Variants in BRD8 observed in about 807,000 individuals in gnomAD.
BRD8 encodes bromodomain containing 8, also known as bromodomain-containing protein 8.
BRD8 carries 67 observed loss-of-function variants against 143.1 expected under a neutral mutation model. The ratio of observed to expected loss-of-function variants is 0.47; its 90% CI spans 0.38 to 0.57. BRD8 has a LOEUF of 0.57. Ranked by LOEUF, BRD8 falls within the 20% of genes least tolerant of loss-of-function variation. The pLI is 0.00. For missense variants in BRD8, 1,103 were observed against 1,503.0 expected (o/e 0.73, Z 4.40); for synonymous variants, 505 against 517.1 (o/e 0.98, Z 0.32).
At chr5:138,161,089 T>G (rs1752963249) in intron 17 of BRD8, 21 bp from the exon 18 acceptor site, 1 of 1,590,386 alleles carries the variant, frequency 6.3e-7, no homozygotes, top group Admixed American at 1.7e-5. Flanking sequence ...AGAACAGGGG[T>G]AAGTAGCAGT....
chr5:138,150,099 CT>C (rs1302093625), intron 22 of BRD8, among the ~76,000 whole-genome samples: 2 of 151,764 alleles, frequency 1.3e-5, no homozygotes, highest in African/African-American at 2.4e-5. Context: ...CTGGAGTTAA[CT>C]ACTCTAGCTG....
chr5:138,144,915 AAAAAT>A (rs1273554248), intron 25 of BRD8, among the ~76,000 whole-genome samples: 1 of 141,564 alleles, frequency 7.1e-6, no homozygotes, highest in East Asian at 2.0e-4. Context: ...AAAAAAAAAA[AAAAAT>A]ATATATATAT....
chr5:138,172,996 C>T (rs1459166383), intron 2 of BRD8: 2 of 171,232 alleles, frequency 1.2e-5, no homozygotes, highest in African/African-American at 2.4e-5. Context: ...CACTAGTAGA[C>T]GGGGGATAGT....
rs537795058 is a variant in BRD8 at position 138,154,806 on chromosome 5, A to ATC, written c.2578-2047_2578-2046insGA. On this transcript the variant is annotated intron_variant, in intron 20 of 26. Transcript: ENST00000254900. ...CATCTAATATTTTTTCATCATAGCCATGTTTATAATAAAAAGTTCATAACT... is the reference window on the plus strand; with the variant it reads ...CATCTAATATTTTTTCATCATAGCCATCTGTTTATAATAAAAAGTTCATAACT... Among the ~76,000 whole-genome samples the ATC allele has an allele frequency of 3.6e-3, 540 of 150,170 alleles. 3 individuals are homozygous for ATC. The highest frequency in any genetic ancestry group is 0.013 in the African/African-American group (513 of 40,914).
In BRD8 at chr5:138,170,212, T is replaced by C. The variant is rs1398790258; in HGVS notation, c.505+133A>G. On this transcript the variant is annotated intron_variant, in intron 7 of 26. Transcript: ENST00000254900. ...TTCTTCTTAAGACATTAAGGGATGT[T>C]TTTATTCTGGTAGAAGAGAAAACTG... The C allele has an allele frequency of 4.3e-6, 3 of 704,672 alleles. No homozygotes were observed. In the African/African-American group the frequency reaches 5.3e-5, roughly 13 times the overall value. The allele number at this position is 704,672 out of a possible 1,614,324, so 43.7% of individuals were successfully genotyped here. A position where few individuals can be genotyped will look rare whatever the true frequency, so the allele number is the denominator to read the frequency against.
intron 20 of BRD8, chr5:138,157,251 C>T: frequency 6.2e-7 from 1 of 1,613,754 alleles, no homozygotes; most frequent in Non-Finnish European, 8.5e-7. Context: ...ACAGCGGCGT[C>T]CCCTGGTTCC....
intron 15 of BRD8, among the ~76,000 whole-genome samples, chr5:138,162,433 C>T (rs892255899): frequency 4.6e-5 from 7 of 151,930 alleles, no homozygotes; most frequent in Non-Finnish European, 8.8e-5. Flanking sequence ...TGGGTTCCAG[C>T]GATCCTCCTG....
rs754470489 is a variant in BRD8 at position 138,140,728 on chromosome 5, G to A, written c.3592C>T (p.Gln1198Ter). The A allele has an allele frequency of 3.1e-6, 5 of 1,614,038 alleles. No individual in the cohort carries two copies. The highest frequency in any genetic ancestry group is 1.3e-5 in the African/African-American group (1 of 75,008). Residue 1198 changes from glutamine (Q) to a stop codon, truncating the protein, a stop_gained, in exon 26 of 27, where the codon CAA (glutamine) becomes TAA (stop). Coordinates refer to ENST00000254900, the MANE Select transcript of BRD8 (RefSeq NM_139199.2). LOFTEE classifies it high-confidence loss of function. ...ACCTGAATCTGCTCCAGGACTTCTT[G>A]CCGCATCTCCACAGCCATATGGTAT... ...HVYHMAVEMR[Q>*]EVLEQIQVLN...
At chr5:138,172,862 CAA>C (rs148319080) in intron 2 of BRD8, 45 of 265,714 alleles carry the variant, frequency 1.7e-4, no homozygotes, top group Non-Finnish European at 2.0e-4. Flanking sequence ...CTCCGCCATT[CAA>C]AAAAAAAAGA....
Position 138,139,992 on chromosome 5 carries a change from C to T in BRD8, c.*82G>A. ...GTTGGAAAAGAAAATGAGGACATGG[C>T]AAAGAAGTACCAGGATCCTCTCTAG... On this transcript the variant is annotated 3_prime_UTR_variant, in exon 27 of 27. Transcript: ENST00000254900. 9.0e-7 allele frequency: 1 copy of T among 1,113,268 alleles called. No homozygotes were observed. The highest frequency in any genetic ancestry group is 1.3e-6 in the Non-Finnish European group (1 of 742,100). The allele number at this position is 1,113,268 out of a possible 1,614,324, so 69.0% of individuals were successfully genotyped here. A position where few individuals can be genotyped will look rare whatever the true frequency, so the allele number is the denominator to read the frequency against.
At chr5:138,143,516 T>A (rs1751999353) in intron 25 of BRD8, among the ~76,000 whole-genome samples, 1 of 152,070 alleles carries the variant, frequency 6.6e-6, no homozygotes, top group African/African-American at 2.4e-5. Flanking sequence ...AATCCCAAAA[T>A]ACTGAGAGGT....
intron 24 of BRD8, 76 bp downstream of exon 24, chr5:138,145,713 C>T: frequency 4.7e-6 from 6 of 1,273,058 alleles, no homozygotes; most frequent in Non-Finnish European, 6.8e-6. Context: ...GAACATATCT[C>T]CTTTTATGCT....
At position 138,140,845 on chromosome 5, in the gene BRD8, T is replaced by TA; in HGVS notation, c.3474dup (p.Lys1159Ter). ...TGGGCCATGGTGCGAATCCGACCCT[T>TA]AGAGAGATTTCTCTTCAGGCTAGTT... On this transcript the variant is annotated frameshift_variant, in exon 26 of 27. Transcript: ENST00000254900. LOFTEE classifies it high-confidence loss of function. 2 of 1,614,174 alleles carry TA rather than the reference T, an allele frequency of 1.2e-6. No individual in the cohort carries two copies. Among genetic ancestry groups the TA allele is most frequent in the Non-Finnish European group, 1.7e-6 (2 of 1,180,034 alleles).
rs1322398411 is a variant in BRD8 at position 138,172,088 on chromosome 5, G to C, written c.163C>G (p.Pro55Ala). 6.2e-7 allele frequency: 1 copy of C among 1,613,440 alleles called. No individual in the cohort carries two copies. Among genetic ancestry groups the C allele is most frequent in the African/African-American group, 1.3e-5 (1 of 74,732 alleles). Residue 55 changes from proline (P) to alanine (A), a missense_variant, in exon 3 of 27, where the codon CCT becomes GCT. This residue lies in a region of BRD8 where 69 missense variants were observed against 121.6 expected (regional missense o/e 0.57). Coordinates refer to ENST00000254900, the MANE Select transcript of BRD8 (RefSeq NM_139199.2). ...AIKPFAEPGR[P>A]PDWFSQKHCA... ...ACTTTTTGAGAGAACCAGTCTGGAG[G>C]GCGGCCAGGTTCTGCAAAGGGCTTG...
chr5:138,164,297 C>A, intron 13 of BRD8, 23 bp downstream of exon 13: 1 of 1,610,268 alleles, frequency 6.2e-7, no homozygotes, highest in South Asian at 1.1e-5. Context: ...GATTTCAAGT[C>A]AGTGAAAGAG....
In BRD8 at chr5:138,168,739, C is replaced by T. The variant is rs1420140195; in HGVS notation, c.642+483G>A. The T allele has an allele frequency of 5.3e-6, 5 of 949,010 alleles. No homozygotes were observed. The Admixed American group carries it at 1.0e-4, about 19-fold the overall frequency. The allele number at this position is 949,010 out of a possible 1,614,324, so 58.8% of individuals were successfully genotyped here. On this transcript the variant is annotated intron_variant, in intron 8 of 26. Coordinates refer to ENST00000254900, the MANE Select transcript of BRD8 (RefSeq NM_139199.2). ...CTGACTTCTCAAACTATGGAAGGTTCCCTACTAATCTGTATGGGTTAGTGT... is the reference window on the plus strand; with the variant it reads ...CTGACTTCTCAAACTATGGAAGGTTTCCTACTAATCTGTATGGGTTAGTGT...
chr5:138,146,748 C>T (rs1443688610), intron 23 of BRD8, among the ~76,000 whole-genome samples: 1 of 151,364 alleles, frequency 6.6e-6, no homozygotes, highest in Non-Finnish European at 1.5e-5. Flanking sequence ...GCAGGCGGAT[C>T]ACAAGGTCAG....
intron 20 of BRD8, chr5:138,157,315 C>T: frequency 1.2e-6 from 2 of 1,610,436 alleles, no homozygotes; most frequent in East Asian, 4.5e-5. Context: ...GGTCAGGAGA[C>T]AAGAGACGGT....
At chr5:138,176,526 A>G (rs890153660) in intron 2 of BRD8, among the ~76,000 whole-genome samples, 1 of 152,164 alleles carries the variant, frequency 6.6e-6, no homozygotes, top group Non-Finnish European at 1.5e-5. Context: ...GTGAGCCAAG[A>G]TCTAACTACT....
Sources: allele counts gnomAD v4.1 joint callset (sites outside exome capture counted in the v4.1 genomes callset), GRCh38; gene constraint gnomAD v4.1.1; regional missense constraint gnomAD v4.1.1; transcripts MANE v1.5; gene names NCBI Gene and HGNC (gene_info 2026-07-23, HGNC 2026-07-21).